Variants in TTC8 observed in about 807,000 individuals in gnomAD.
The protein encoded by TTC8 is tetratricopeptide repeat protein 8.
TTC8 carries 47 observed loss-of-function variants against 72.5 expected under a neutral mutation model. The ratio of observed to expected loss-of-function variants is 0.65; its 90% CI spans 0.51 to 0.83. The LOEUF is 0.83. Among genes scored for constraint, TTC8 ranks in the 40% least tolerant of loss-of-function variants. The pLI is 0.00. For missense variants in TTC8, 611 were observed against 623.2 expected (o/e 0.98, Z 0.21); for synonymous variants, 199 against 221.4 (o/e 0.90, Z 0.90).
At chr14:88,831,088 G>A in intron 1 of TTC8, 1 of 335,782 alleles carries the variant, frequency 3.0e-6, no homozygotes, top group South Asian at 2.3e-5. Context: ...GACCAAAATA[G>A]GATCTAGTCT....
At chr14:88,867,385 T>C (rs930739513) in intron 10 of TTC8, among the ~76,000 whole-genome samples, 1 of 152,192 alleles carries the variant, frequency 6.6e-6, no homozygotes, top group Non-Finnish European at 1.5e-5. Context: ...GGTTTTGATA[T>C]GGAAAGAGTC....
At chr14:88,866,017 T>C (rs2094907828) in intron 10 of TTC8, among the ~76,000 whole-genome samples, 1 of 152,076 alleles carries the variant, frequency 6.6e-6, no homozygotes, top group Admixed American at 6.5e-5. Context: ...TGAGTAATGA[T>C]TTATACTATT....
At chr14:88,861,164 C>A in intron 9 of TTC8, 58 bp from the exon 10 acceptor site, 1 of 1,233,576 alleles carries the variant, frequency 8.1e-7, no homozygotes, top group South Asian at 1.3e-5. Flanking sequence ...TTATAAATGT[C>A]ATAACAAATA....
chr14:88,839,519 A>G lies in TTC8; in HGVS notation c.212A>G (p.Gln71Arg), dbSNP rs1342374195. The G allele has an allele frequency of 3.1e-6, 5 of 1,613,390 alleles. No homozygotes were observed. Among genetic ancestry groups the G allele is most frequent in the Non-Finnish European group, 4.2e-6 (5 of 1,179,578 alleles). ...TACATAGATGAAATTGATGTAGATC[A>G]GGAAGGAATTGCAGAAATGATGCTG... ...MVYIDEIDVD[Q>R]EGIAEMMLDE... The change falls in exon 3 of 15, where the codon CAG becomes CGG. Residue 71 changes from glutamine to arginine, a missense_variant. Coordinates refer to ENST00000380656, the MANE Select transcript of TTC8 (RefSeq NM_144596.4).
intron 11 of TTC8, 35 bp downstream of exon 11, chr14:88,870,233 C>T: frequency 6.2e-7 from 1 of 1,606,530 alleles, no homozygotes; most frequent in Non-Finnish European, 8.5e-7. Flanking sequence ...AACCACTTTC[C>T]TGTGAAATAT....
At chr14:88,824,633 G>T (rs1398287442), upstream of TTC8, 2 of 1,297,018 alleles carry the variant, frequency 1.5e-6, no homozygotes, top group Non-Finnish European at 2.2e-6. Context: ...GGGCAGAGTC[G>T]GACGCCGCCA....
intron 7 of TTC8, among the ~76,000 whole-genome samples, chr14:88,844,296 G>A (rs1186874308): frequency 3.9e-5 from 6 of 152,104 alleles, no homozygotes; most frequent in African/African-American, 7.2e-5. Flanking sequence ...AGAGGGAATC[G>A]TCTTCATAGC....
chr14:88,874,419 T>G (rs2094948238), intron 13 of TTC8, among the ~76,000 whole-genome samples: 1 of 151,970 alleles, frequency 6.6e-6, no homozygotes, highest in South Asian at 2.1e-4. Context: ...GCATTGATGA[T>G]CCTATGATCA....
intron 13 of TTC8, among the ~76,000 whole-genome samples, chr14:88,874,019 G>A (rs1472909992): frequency 6.6e-6 from 1 of 152,192 alleles, no homozygotes; most frequent in African/African-American, 2.4e-5. Context: ...GTAGTTTACA[G>A]ACTGTTCTAA....
chr14:88,861,438 A>G (rs1440332815), intron 10 of TTC8, 106 bp downstream of exon 10: 3 of 808,474 alleles, frequency 3.7e-6, no homozygotes, highest in Middle Eastern at 3.6e-4. Flanking sequence ...TAATGATCAA[A>G]TCAGGGTAAT....
Position 88,869,990 on chromosome 14 carries a change from C to T in TTC8, c.910-69C>T, listed in dbSNP as rs533123103. ...ACTTATTGAATGAATGGACTTAAATCAGTCAGAAAAAAATAATTTTTTGTC... is the reference window on the plus strand; with the variant it reads ...ACTTATTGAATGAATGGACTTAAATTAGTCAGAAAAAAATAATTTTTTGTC... On this transcript the variant is annotated intron_variant, in intron 10 of 14. Transcript: ENST00000380656. 67 of 1,513,492 alleles carry T rather than the reference C, an allele frequency of 4.4e-5. No individual in the cohort carries two copies. The African/African-American group carries it at 8.6e-4, about 19-fold the overall frequency. The allele number at this position is 1,513,492 out of a possible 1,614,324, so 93.8% of individuals were successfully genotyped here.
rs756352262 is a variant in TTC8 at position 88,872,413 on chromosome 14, C to T, written c.1308C>T (p.Asn436=). 1.9e-6 allele frequency: 3 copies of T among 1,614,060 alleles called. No individual in the cohort carries two copies. In the South Asian group the frequency reaches 3.3e-5, roughly 18 times the overall value. ...ACAACCACGCCGAGGCCTACAACAA[C>T]CTGGCTGTGCTGGAGATGCGGAAGG... ...NNNNHAEAYN[N]LAVLEMRKGH... The change falls in exon 13 of 15, where the codon AAC becomes AAT. Residue 436 remains asparagine (N), a synonymous_variant. Transcript: ENST00000380656.
chr14:88,853,026 G>A lies in TTC8; in HGVS notation c.680G>A (p.Trp227Ter), dbSNP rs2094840193. Residue 227 changes from tryptophan to a stop codon, truncating the protein, a stop_gained, in exon 8 of 15, where the codon TGG (tryptophan) becomes TAG (stop). Coordinates refer to ENST00000380656, the MANE Select transcript of TTC8 (RefSeq NM_144596.4). LOFTEE classifies it high-confidence loss of function. Reference protein sequence around the residue: ...TEHSQYKDWWWKVQIGKCYYR... With the variant: ...TEHSQYKDWW ...CATTCTCAGTACAAGGACTGGTGGT[G>A]GAAAGTACAGATTGGAAAATGTTAC... 2 of 1,613,368 alleles carry A rather than the reference G, an allele frequency of 1.2e-6. No homozygotes were observed. The highest frequency in any genetic ancestry group is 1.7e-6 in the Non-Finnish European group (2 of 1,179,522).
chr14:88,858,176 G>C (rs2094866277), intron 9 of TTC8, among the ~76,000 whole-genome samples: 1 of 152,084 alleles, frequency 6.6e-6, no homozygotes, highest in African/African-American at 2.4e-5. Context: ...TGGCCAGGCT[G>C]GTCTTGAGCT....
At position 88,840,898 on chromosome 14, in the gene TTC8, A is replaced by G. The variant is rs139392523; in HGVS notation, c.299A>G (p.Asn100Ser). Residue 100 changes from asparagine to serine, a missense_variant, in exon 4 of 15, where the codon AAT becomes AGT. Transcript: ENST00000380656. ...ACGTCTTTGAAACTCCCTGGAACTA[A>G]TCAGACAGGAGGGCCTAGCCAGGCC... ...PGTSLKLPGT[N>S]QTGGPSQAVR... is the part of the protein sequence containing the mutation. 4.1e-4 allele frequency: 657 copies of G among 1,614,152 alleles called. 6 individuals are homozygous for G. In the African/African-American group the frequency reaches 8.3e-3, roughly 20 times the overall value.
chr14:88,841,372 T>A, intron 5 of TTC8, 53 bp from the exon 6 acceptor site: 3 of 1,607,426 alleles, frequency 1.9e-6, no homozygotes, highest in Non-Finnish European at 2.6e-6. Flanking sequence ...TAAACTTGTT[T>A]ACATTTCAAG....
At chr14:88,862,077 A>G (rs1319464305) in intron 10 of TTC8, among the ~76,000 whole-genome samples, 1 of 152,138 alleles carries the variant, frequency 6.6e-6, no homozygotes, top group African/African-American at 2.4e-5. Context: ...TAACAACTAT[A>G]CTACTTTACA....
intron 7 of TTC8, among the ~76,000 whole-genome samples, chr14:88,847,629 A>T (rs1269042788): frequency 1.3e-5 from 2 of 152,196 alleles, no homozygotes; most frequent in African/African-American, 4.8e-5. Context: ...GAAGAAAAAA[A>T]ATTGAAACTA....
intron 14 of TTC8, among the ~76,000 whole-genome samples, chr14:88,876,394 TGA>T (rs1212159171): frequency 6.6e-6 from 1 of 152,194 alleles, no homozygotes; most frequent in Non-Finnish European, 1.5e-5. Context: ...CTAGATTTTT[TGA>T]GTGTATACAT....
Sources: allele counts gnomAD v4.1 joint callset (sites outside exome capture counted in the v4.1 genomes callset), GRCh38; gene constraint gnomAD v4.1.1; transcripts MANE v1.5; gene names NCBI Gene and HGNC (gene_info 2026-07-23, HGNC 2026-07-21).